Variants in CSMD1 observed in about 807,000 individuals in gnomAD.
The protein encoded by CSMD1 is CUB and sushi domain-containing protein 1.
CSMD1 carries 213 observed loss-of-function variants against 417.5 expected under a neutral mutation model. The observed-to-expected ratio is 0.51, with a 90% CI of 0.46 to 0.57. The LOEUF is 0.57. Ranked by LOEUF, CSMD1 falls within the 20% of genes least tolerant of loss-of-function variation. CSMD1 has a pLI of 0.00. For missense variants in CSMD1, 6,923 were observed against 4,529.7 expected (o/e 1.53, Z -15.17); for synonymous variants, 2,862 against 1,736.8 (o/e 1.65, Z -16.11).
At chr8:4,022,021 A>G (rs2740931) in intron 4 of CSMD1, among the ~76,000 whole-genome samples, 64,873 of 151,258 alleles carry the variant, frequency 0.43, 14,730 homozygotes, top group South Asian at 0.64. Context: ...CCAACACTGG[A>G]AAGTCCAGGT....
At chr8:4,355,919 G>GT (rs35240159) in intron 3 of CSMD1, among the ~76,000 whole-genome samples, 54,858 of 151,968 alleles carry the variant, frequency 0.36, 11,494 homozygotes, top group East Asian at 0.54. Flanking sequence ...TGAATCAGCT[G>GT]TTTTTTTGTT....
At chr8:4,976,858 C>A (rs140414601) in intron 1 of CSMD1, among the ~76,000 whole-genome samples, 20 of 151,966 alleles carry the variant, frequency 1.3e-4, no homozygotes, top group African/African-American at 4.4e-4. Context: ...GGCAACTGTG[C>A]TTAAAGAAAT....
intron 2 of CSMD1, among the ~76,000 whole-genome samples, chr8:4,611,975 T>C (rs182837453): frequency 5.3e-4 from 80 of 152,290 alleles, no homozygotes; most frequent in Non-Finnish European, 1.0e-3. Flanking sequence ...TGTGTTTTTT[T>C]CCTCCTAAGT....
chr8:4,974,872 T>C (rs945470787), intron 1 of CSMD1, among the ~76,000 whole-genome samples: 2 of 152,114 alleles, frequency 1.3e-5, no homozygotes, highest in African/African-American at 4.8e-5. Flanking sequence ...GTTGCAACTG[T>C]ATCAACTTTC....
intron 3 of CSMD1, among the ~76,000 whole-genome samples, chr8:4,071,496 G>A (rs957324452): frequency 6.6e-6 from 1 of 151,778 alleles, no homozygotes; most frequent in Admixed American, 6.6e-5. Flanking sequence ...TTCACCAAGA[G>A]CATTGCTTCC....
intron 7 of CSMD1, among the ~76,000 whole-genome samples, chr8:3,671,691 G>A (rs73183305): frequency 0.15 from 22,896 of 149,956 alleles, 2,013 homozygotes; most frequent in South Asian, 0.22. Context: ...AGCTCCTTGG[G>A]AGCCTCTTCA....
At chr8:4,187,694 A>AAAAAAAAG (rs57614933) in intron 3 of CSMD1, among the ~76,000 whole-genome samples, 3 of 150,976 alleles carry the variant, frequency 2.0e-5, no homozygotes, top group Non-Finnish European at 4.4e-5. Context: ...AAAAAAAAAA[A>AAAAAAAAG]GCATTCAGGA....
At chr8:3,939,555 G>C (rs75938761) in intron 5 of CSMD1, among the ~76,000 whole-genome samples, 2 of 152,166 alleles carry the variant, frequency 1.3e-5, no homozygotes, top group Non-Finnish European at 2.9e-5. Flanking sequence ...TATGAAAAAG[G>C]CACATGCACA....
intron 4 of CSMD1, among the ~76,000 whole-genome samples, chr8:4,017,658 T>C (rs1796587197): frequency 6.6e-6 from 1 of 152,156 alleles, no homozygotes; most frequent in African/African-American, 2.4e-5. Flanking sequence ...GAGTTCTAAT[T>C]AAGAATTTTT....
intron 28 of CSMD1, among the ~76,000 whole-genome samples, chr8:3,220,736 C>A (rs1443483142): frequency 6.6e-6 from 1 of 152,104 alleles, no homozygotes; most frequent in Non-Finnish European, 1.5e-5. Flanking sequence ...GAGGCTGAGG[C>A]AGAAGAATCG....
rs552002695 is a variant in CSMD1, at chr8:3,502,011, G to C, written c.1345-8285C>G. Among the ~76,000 whole-genome samples, 3 of 152,138 alleles carry C rather than the reference G, an allele frequency of 2.0e-5. No homozygotes were observed. The East Asian group carries it at 5.8e-4, about 29-fold the overall frequency. The stretch of plus-strand genomic sequence containing the variant: ...GTACAGTCACTTTGGAAGATACTTT[G>C]GAAGCTTCTTACATAACCAACTATA... On this transcript the variant is annotated intron_variant, in intron 10 of 69. Coordinates refer to ENST00000635120, the MANE Select transcript of CSMD1 (RefSeq NM_033225.6).
At chr8:3,991,542 T>C (rs1469427563) in intron 5 of CSMD1, among the ~76,000 whole-genome samples, 1 of 152,210 alleles carries the variant, frequency 6.6e-6, no homozygotes, top group Non-Finnish European at 1.5e-5. Context: ...ATTACATTAC[T>C]GTCTAGTGAA....
At chr8:3,243,267 C>T (rs1342190234) in intron 26 of CSMD1, among the ~76,000 whole-genome samples, 1 of 152,090 alleles carries the variant, frequency 6.6e-6, no homozygotes, top group Non-Finnish European at 1.5e-5. Context: ...AGCAGGAGAA[C>T]AGGGGATTGA....
chr8:4,807,726 A>C (rs908715356), intron 1 of CSMD1, among the ~76,000 whole-genome samples: 8 of 152,214 alleles, frequency 5.3e-5, no homozygotes, highest in African/African-American at 1.9e-4. Context: ...TAAAAATACT[A>C]CCTGTAGTCT....
chr8:3,608,497 C>G (rs919047498), intron 8 of CSMD1, among the ~76,000 whole-genome samples: 1 of 151,968 alleles, frequency 6.6e-6, no homozygotes, highest in African/African-American at 2.4e-5. Flanking sequence ...GGCGCTGTGG[C>G]TCACGCCTGT....
intron 5 of CSMD1, among the ~76,000 whole-genome samples, chr8:3,784,139 T>C (rs1799322996): frequency 9.5e-6 from 1 of 105,416 alleles, no homozygotes; most frequent in South Asian, 2.5e-4. Flanking sequence ...TTCCTCTCTC[T>C]TTCTCTCTCT....
intron 26 of CSMD1, among the ~76,000 whole-genome samples, chr8:3,275,584 G>A (rs1050044291): frequency 6.6e-6 from 1 of 152,106 alleles, no homozygotes; most frequent in African/African-American, 2.4e-5. Flanking sequence ...CGTAGATTCA[G>A]TCTTTTCACA....
intron 3 of CSMD1, among the ~76,000 whole-genome samples, chr8:4,184,944 C>A (rs1233667525): frequency 6.6e-6 from 1 of 151,890 alleles, no homozygotes; most frequent in East Asian, 1.9e-4. Flanking sequence ...TCAAGACCAG[C>A]CTCCCCAATG....
chr8:4,384,530 A>G (rs991994596), intron 3 of CSMD1, among the ~76,000 whole-genome samples: 2 of 152,254 alleles, frequency 1.3e-5, no homozygotes, highest in East Asian at 1.9e-4. Flanking sequence ...ACTTTATTCA[A>G]TACTTTATGA....
Sources: gnomAD v4.1 joint callset for allele counts (sites outside exome capture counted in the v4.1 genomes callset) on GRCh38, gnomAD v4.1.1 for gene constraint, MANE v1.5 for transcripts, NCBI Gene and HGNC (gene_info 2026-07-23, HGNC 2026-07-21) for gene names.